Variants in CDH20 observed in about 807,000 individuals in gnomAD.
CDH20 encodes the protein cadherin 20, also known as cadherin-20.
A neutral mutation model predicts 74.2 loss-of-function variants in CDH20; 29 were observed. The observed-to-expected ratio is 0.39, with a 90% confidence interval of 0.29 to 0.53. The LOEUF (loss-of-function observed/expected upper bound fraction) is 0.53, where lower values mean the gene tolerates loss of function less well. CDH20 is among the 20% of genes least tolerant of loss of function. The pLI is 0.69. For synonymous variants in CDH20, 469 were observed against 405.4 expected (o/e 1.16, Z -1.88); for missense variants, 988 against 1,048.3 (o/e 0.94, Z 0.79).
At chr18:61,477,193 T>G (rs1323255774) in intron 1 of CDH20, among the ~76,000 whole-genome samples, 1 of 152,178 alleles carries the variant, frequency 6.6e-6, no homozygotes, top group East Asian at 1.9e-4. Flanking sequence ...ACTCTTATCA[T>G]ATACATGTGG....
chr18:61,458,395 G>T (rs1428595961), intron 1 of CDH20, among the ~76,000 whole-genome samples: 1 of 152,116 alleles, frequency 6.6e-6, no homozygotes, highest in African/African-American at 2.4e-5. Flanking sequence ...ATATTTGGGG[G>T]AAAGCAGGGT....
At chr18:61,423,153 G>A (rs1219155693) in intron 1 of CDH20, among the ~76,000 whole-genome samples, 2 of 152,178 alleles carry the variant, frequency 1.3e-5, no homozygotes, top group African/African-American at 2.4e-5. Context: ...CCCAAATCAC[G>A]TCAAGTGTGG....
intron 1 of CDH20, among the ~76,000 whole-genome samples, chr18:61,486,524 T>G (rs995304072): frequency 2.0e-5 from 3 of 152,184 alleles, no homozygotes; most frequent in African/African-American, 7.2e-5. Context: ...AGAAACTTGA[T>G]TGGGAGGTGG....
chr18:61,462,675 G>T (rs1428605399), intron 1 of CDH20, among the ~76,000 whole-genome samples: 1 of 134,628 alleles, frequency 7.4e-6, no homozygotes, highest in Non-Finnish European at 1.5e-5. Context: ...AGTTGTTAAT[G>T]TAAGATGCCT....
intron 10 of CDH20, among the ~76,000 whole-genome samples, chr18:61,549,112 G>C (rs1389230762): frequency 6.6e-6 from 1 of 152,060 alleles, no homozygotes; most frequent in Non-Finnish European, 1.5e-5. Flanking sequence ...TCTGAGCTTT[G>C]CAAAAGTATA....
intron 1 of CDH20, among the ~76,000 whole-genome samples, chr18:61,398,186 G>T (rs1262529772): frequency 6.6e-6 from 1 of 152,148 alleles, no homozygotes; most frequent in Non-Finnish European, 1.5e-5. Context: ...GAGTCTGAAC[G>T]GGTCACTATT....
chr18:61,493,111 T>C (rs1911017467), intron 2 of CDH20, among the ~76,000 whole-genome samples: 1 of 152,240 alleles, frequency 6.6e-6, no homozygotes, highest in African/African-American at 2.4e-5. Context: ...CAGTAATACC[T>C]AATGCAGCTG....
chr18:61,460,759 A>G (rs1352062405), intron 1 of CDH20, among the ~76,000 whole-genome samples: 1 of 152,220 alleles, frequency 6.6e-6, no homozygotes, highest in South Asian at 2.1e-4. Context: ...GCTGTTTTGC[A>G]GAGGCTTTTT....
intron 1 of CDH20, among the ~76,000 whole-genome samples, chr18:61,449,710 A>G (rs1368200339): frequency 1.3e-5 from 2 of 152,052 alleles, no homozygotes; most frequent in Non-Finnish European, 2.9e-5. Context: ...ATAAAATTAT[A>G]CAATATTATT....
chr18:61,554,095 C>G, intron 11 of CDH20, 95 bp from the exon 12 acceptor site: 1 of 1,461,204 alleles, frequency 6.8e-7, no homozygotes, highest in Non-Finnish European at 9.3e-7. Flanking sequence ...CTCGGTAGCC[C>G]TTCCCCTATC....
rs1446751607 is a variant in CDH20 at position 61,353,195 on chromosome 18, A to G, written c.-153+19368A>G. Among the ~76,000 whole-genome samples, 1 of 152,226 alleles carries G rather than the reference A, an allele frequency of 6.6e-6. No homozygotes were observed. Among genetic ancestry groups the G allele is most frequent in the East Asian group, 1.9e-4 (1 of 5,198 alleles). On this transcript the variant is annotated intron_variant, in intron 1 of 11. Transcript: ENST00000262717. This position sits in a 1 kb window ranked among gnomAD's most constrained non-coding sequence, Gnocchi z 4.6. ...ATTCATTTAATTGTCTACATAACAA[A>G]GCTCAGAGTTTTTAGCGTGGCATTA... is the stretch of plus-strand genomic sequence containing the variant.
chr18:61,481,245 C>T (rs1244535806), intron 1 of CDH20, among the ~76,000 whole-genome samples: 1 of 152,096 alleles, frequency 6.6e-6, no homozygotes, highest in Non-Finnish European at 1.5e-5. Context: ...AATGCACAAA[C>T]TGCTTTGAAT....
intron 5 of CDH20, among the ~76,000 whole-genome samples, chr18:61,506,104 A>C (rs934350791): frequency 2.0e-5 from 3 of 152,254 alleles, no homozygotes; most frequent in African/African-American, 7.2e-5. Context: ...ATAATGAAAC[A>C]TCAAGATCTC....
intron 6 of CDH20, among the ~76,000 whole-genome samples, chr18:61,510,039 T>C (rs578153640): frequency 3.3e-5 from 5 of 152,088 alleles, no homozygotes; most frequent in African/African-American, 1.2e-4. Context: ...ATTTCTAGAG[T>C]CTATTAGACA....
chr18:61,396,121 A>C (rs1911968693), intron 1 of CDH20, among the ~76,000 whole-genome samples: 1 of 151,790 alleles, frequency 6.6e-6, no homozygotes, highest in African/African-American at 2.4e-5. Flanking sequence ...AATTAGGAAC[A>C]AGCACCATTG....
At chr18:61,429,096 G>A (rs748985342) in intron 1 of CDH20, among the ~76,000 whole-genome samples, 2 of 152,088 alleles carry the variant, frequency 1.3e-5, no homozygotes, top group Admixed American at 6.6e-5. Flanking sequence ...GGGTTTTATC[G>A]AATTTCTGAG....
At chr18:61,547,680 G>T (rs1913299037) in intron 10 of CDH20, among the ~76,000 whole-genome samples, 1 of 152,066 alleles carries the variant, frequency 6.6e-6, no homozygotes, top group African/African-American at 2.4e-5. Flanking sequence ...TTAAAACTGG[G>T]ATTAGAAATT....
Position 61,490,684 on chromosome 18 carries a change from A to G in CDH20, c.131A>G (p.Glu44Gly). 1 of 1,614,110 alleles carries G rather than the reference A, an allele frequency of 6.2e-7. No homozygotes were observed. The highest frequency in any genetic ancestry group is 8.5e-7 in the Non-Finnish European group (1 of 1,180,028). ...ACCCCAACACCACAAGGTGAATTAG[A>G]AGCACTCCTGTCAGACAAGCCACAG... ...SDTPTPQGEL[E>G]ALLSDKPQSH... Residue 44 changes from glutamate (E) to glycine (G), a missense_variant, in exon 2 of 12, where the codon GAA becomes GGA. Glu to Gly is a moderately conservative substitution (Grantham distance 98). Transcript: ENST00000262717.
At chr18:61,432,334 T>C (rs937292776) in intron 1 of CDH20, among the ~76,000 whole-genome samples, 2 of 151,808 alleles carry the variant, frequency 1.3e-5, no homozygotes, top group Non-Finnish European at 2.9e-5. Flanking sequence ...TTTTCGTCTG[T>C]TCTCCCACAC....
Sources: gnomAD v4.1 joint callset for allele counts (sites outside exome capture counted in the v4.1 genomes callset) on GRCh38, gnomAD v4.1.1 for gene constraint, Gnocchi (gnomAD v3.1) non-coding constraint, MANE v1.5 for transcripts, NCBI Gene and HGNC (gene_info 2026-07-23, HGNC 2026-07-21) for gene names.